Variants in CA8 observed in about 807,000 individuals in gnomAD.
The protein encoded by CA8 is carbonic anhydrase 8 (inactive), also known as carbonic anhydrase-related protein.
CA8 carries 22 observed loss-of-function variants against 41.4 expected under a neutral mutation model. That is an observed-to-expected ratio of 0.53 (90% CI 0.38 to 0.76). The LOEUF is 0.76. Among genes scored for constraint, CA8 ranks in the 30% least tolerant of loss-of-function variants. CA8 has a pLI of 0.00. For synonymous variants in CA8, 121 were observed against 130.6 expected, an observed-to-expected ratio of 0.93 and a Z score of 0.50; for missense variants, 270 against 352.8, an observed-to-expected ratio of 0.77 and a Z score of 1.88.
intron 8 of CA8, among the ~76,000 whole-genome samples, chr8:60,192,940 C>A (rs1806172878): frequency 1.9e-5 from 1 of 51,422 alleles, no homozygotes; most frequent in African/African-American, 5.7e-5. Context: ...ACATCATGCA[C>A]ACACACACAC....
In CA8 at chr8:60,188,479, T is replaced by C. The variant is rs946204130; in HGVS notation, c.*1542A>G. ...TTTTGATGTTAATTACAAATAAGGC[T>C]GCACGTGTGCAGCCAATGTTTGGCA... is the stretch of plus-strand genomic sequence containing the variant. On this transcript the variant is annotated 3_prime_UTR_variant, in exon 9 of 9. Coordinates refer to ENST00000317995, the MANE Select transcript of CA8 (RefSeq NM_004056.6). 3 of 152,222 alleles carry C rather than the reference T, an allele frequency of 2.0e-5. No individual in the cohort carries two copies. The highest frequency in any genetic ancestry group is 7.2e-5 in the African/African-American group (3 of 41,468). The allele number at this position is 152,222 out of a possible 1,614,324, so 9.4% of individuals were successfully genotyped here.
intron 3 of CA8, among the ~76,000 whole-genome samples, chr8:60,244,412 C>T (rs1808148347): frequency 6.6e-6 from 1 of 152,198 alleles, no homozygotes; most frequent in Non-Finnish European, 1.5e-5. Flanking sequence ...ACACGCAATG[C>T]ATTCACTAAA....
intron 7 of CA8, among the ~76,000 whole-genome samples, chr8:60,209,132 A>G (rs1175168615): frequency 6.6e-6 from 1 of 152,210 alleles, no homozygotes; most frequent in African/African-American, 2.4e-5. Flanking sequence ...ACAGAAGTAG[A>G]CATATCAAGA....
At chr8:60,225,799 G>C (rs1807418837) in intron 5 of CA8, among the ~76,000 whole-genome samples, 1 of 152,196 alleles carries the variant, frequency 6.6e-6, no homozygotes, top group Admixed American at 6.5e-5. Flanking sequence ...ATTCAGCTAA[G>C]TGTGAGCCAA....
intron 2 of CA8, among the ~76,000 whole-genome samples, chr8:60,275,359 G>C (rs1210214038): frequency 1.3e-5 from 2 of 151,820 alleles, no homozygotes; most frequent in East Asian, 1.9e-4. Context: ...AATAGAAAAA[G>C]AAACCCAGAG....
At chr8:60,222,931 A>C (rs1231605963) in intron 6 of CA8, among the ~76,000 whole-genome samples, 170 bp from the exon 7 acceptor site, 2 of 152,232 alleles carry the variant, frequency 1.3e-5, no homozygotes, top group African/African-American at 2.4e-5. Flanking sequence ...TGGAGAAAAT[A>C]ATTGATAAAA....
chr8:60,227,698 A>C (rs1274135042), intron 4 of CA8, among the ~76,000 whole-genome samples: 1 of 152,196 alleles, frequency 6.6e-6, no homozygotes, highest in Admixed American at 6.5e-5. Context: ...TTTGTATGTT[A>C]AATTCACCAA....
chr8:60,214,959 G>T (rs1806964015), intron 7 of CA8, among the ~76,000 whole-genome samples: 2 of 152,122 alleles, frequency 1.3e-5, no homozygotes, highest in Admixed American at 6.6e-5. Context: ...ATGTAGATAA[G>T]CTAAGAAATA....
chr8:60,217,283 C>A (rs1807054830), intron 7 of CA8, among the ~76,000 whole-genome samples: 1 of 152,216 alleles, frequency 6.6e-6, no homozygotes, highest in Non-Finnish European at 1.5e-5. Flanking sequence ...CCCAGCTCGT[C>A]TACTTTGTTC....
chr8:60,254,272 C>T (rs1808547862), intron 3 of CA8, among the ~76,000 whole-genome samples: 1 of 152,178 alleles, frequency 6.6e-6, no homozygotes, highest in Non-Finnish European at 1.5e-5. Context: ...CTAACAGACT[C>T]AAAACTCAGT....
intron 8 of CA8, among the ~76,000 whole-genome samples, chr8:60,199,813 C>G (rs1368055470): frequency 6.6e-6 from 1 of 151,856 alleles, no homozygotes; most frequent in Admixed American, 6.6e-5. Context: ...CTGAAGTAGC[C>G]CAAAGGATGA....
chr8:60,280,926 G>C (rs781459925), intron 1 of CA8, 122 bp downstream of exon 1: 2 of 738,338 alleles, frequency 2.7e-6, no homozygotes, highest in Non-Finnish European at 4.8e-6. Context: ...AGAGACCCCC[G>C]TGGGAAAGAG....
chr8:60,242,768 A>G (rs1006415394), intron 3 of CA8, among the ~76,000 whole-genome samples: 1 of 152,250 alleles, frequency 6.6e-6, no homozygotes, highest in East Asian at 1.9e-4. Context: ...TAGAAAATAC[A>G]GAGCAAGTGC....
At chr8:60,232,947 T>G (rs1009538406) in intron 3 of CA8, among the ~76,000 whole-genome samples, 1 of 152,194 alleles carries the variant, frequency 6.6e-6, no homozygotes, top group African/African-American at 2.4e-5. Context: ...GAAGGCGATT[T>G]CCTGCACTGG....
chr8:60,266,546 C>G (rs1563380229), intron 2 of CA8, among the ~76,000 whole-genome samples: 1 of 152,298 alleles, frequency 6.6e-6, no homozygotes, highest in East Asian at 1.9e-4. Context: ...GATTGATTAG[C>G]ATTAAGTCAA....
At chr8:60,217,103 C>CT (rs779332534) in intron 7 of CA8, among the ~76,000 whole-genome samples, 1 of 152,052 alleles carries the variant, frequency 6.6e-6, no homozygotes, top group Non-Finnish European at 1.5e-5. Flanking sequence ...AGGCAGGTCT[C>CT]TAACTCCTGA....
chr8:60,224,436 G>A lies in CA8; in HGVS notation c.625+101C>T, dbSNP rs1007762524. 11 of 763,172 alleles carry A rather than the reference G, an allele frequency of 1.4e-5. No individual in the cohort carries two copies. In the African/African-American group the frequency reaches 1.9e-4, roughly 14 times the overall value. 47.3% of individuals were successfully genotyped at this position (763,172 alleles called of 1,614,324 possible). ...TAAACAGAATACAAATTGCAAATAA[G>A]TTTTATTAATTAACAATATATAGTT... On this transcript the variant is annotated intron_variant, in intron 6 of 8. Coordinates refer to ENST00000317995, the MANE Select transcript of CA8 (RefSeq NM_004056.6).
chr8:60,265,261 G>A (rs1319814600), intron 3 of CA8: 1 of 152,316 alleles, frequency 6.6e-6, no homozygotes, highest in Non-Finnish European at 1.5e-5. Flanking sequence ...GAGACTAAAT[G>A]GTACAACCCA....
chr8:60,271,094 G>C lies in CA8; in HGVS notation c.293-5045C>G, dbSNP rs1804056207. 2.0e-5 allele frequency among the ~76,000 whole-genome samples: 3 copies of C among 152,146 alleles called. No homozygotes were observed. The South Asian group carries it at 6.2e-4, about 32-fold the overall frequency. ...ACAGTGGCTCACACCTGTAATCCCG[G>C]TTCTAAGGGAAGCCAAGGCGGGAGG... On this transcript the variant is annotated intron_variant, in intron 2 of 8. Coordinates refer to ENST00000317995, the MANE Select transcript of CA8 (RefSeq NM_004056.6).
Sources: allele counts gnomAD v4.1 joint callset (sites outside exome capture counted in the v4.1 genomes callset), GRCh38; gene constraint gnomAD v4.1.1; transcripts MANE v1.5; gene names NCBI Gene and HGNC (gene_info 2026-07-23, HGNC 2026-07-21).